Variants in OR2L13 observed in about 807,000 individuals in gnomAD.
OR2L13 encodes olfactory receptor 2L13.
A neutral mutation model predicts 15.3 loss-of-function variants in OR2L13; 14 were observed. The ratio of observed to expected loss-of-function variants is 0.91; its 90% CI spans 0.60 to 1.43. The LOEUF (loss-of-function observed/expected upper bound fraction) is 1.43, where lower values mean the gene tolerates loss of function less well. OR2L13 is among the 40% of genes most tolerant of loss of function. The pLI, the probability that OR2L13 is intolerant of heterozygous loss-of-function variation, is 0.00. For synonymous variants in OR2L13, 152 were observed against 142.9 expected (o/e 1.06, Z -0.45); for missense variants, 367 against 387.9 (o/e 0.95, Z 0.45).
the OR2L13 span, among the ~76,000 whole-genome samples, chr1:248,005,770 G>A: frequency 6.6e-6 from 1 of 152,076 alleles, no homozygotes; most frequent in Non-Finnish European, 1.5e-5. Context: ...TAACAGTAAA[G>A]TATTACGGTA....
the OR2L13 span, chr1:248,022,668 A>C: frequency 6.2e-7 from 1 of 1,614,116 alleles, no homozygotes; most frequent in Non-Finnish European, 8.5e-7. Context: ...TTCGACCTGC[A>C]GCACCCACCT....
the OR2L13 span, chr1:247,990,698 T>A: frequency 1.3e-6 from 2 of 1,539,338 alleles, no homozygotes; most frequent in African/African-American, 2.7e-5. Context: ...GCACTGATGA[T>A]AACAGGATCT....
chr1:248,011,831 C>T, the OR2L13 span, among the ~76,000 whole-genome samples: 1 of 152,174 alleles, frequency 6.6e-6, no homozygotes, highest in Non-Finnish European at 1.5e-5. Flanking sequence ...ATCAATCCTC[C>T]TGCCCTCAGT....
chr1:247,996,625 A>G, the OR2L13 span, among the ~76,000 whole-genome samples: 38 of 152,230 alleles, frequency 2.5e-4, no homozygotes, highest in African/African-American at 8.9e-4. Flanking sequence ...TATCCCCCAT[A>G]TTTGCATACA....
the OR2L13 span, among the ~76,000 whole-genome samples, chr1:247,998,097 T>G: frequency 2.0e-5 from 3 of 152,124 alleles, no homozygotes; most frequent in Admixed American, 6.5e-5. Context: ...TACTTATAAT[T>G]GTATTTTAAA....
chr1:248,088,915 G>A, the OR2L13 span, among the ~76,000 whole-genome samples: 1 of 152,084 alleles, frequency 6.6e-6, no homozygotes, highest in Non-Finnish European at 1.5e-5. Flanking sequence ...AATTCACAGT[G>A]TCTTTTCCAA....
At chr1:248,099,331 C>A in intron 2 of OR2L13, 27 bp from the exon 3 acceptor site, 1 of 1,291,536 alleles carries the variant, frequency 7.7e-7, no homozygotes, top group Non-Finnish European at 1.1e-6. Flanking sequence ...TTGTGCTTTG[C>A]TTTTGTTTCT....
the OR2L13 span, among the ~76,000 whole-genome samples, chr1:248,084,826 T>C: frequency 6.6e-6 from 1 of 152,172 alleles, no homozygotes; most frequent in African/African-American, 2.4e-5. Flanking sequence ...CATTCAGATG[T>C]GAGCAGCCAC....
At chr1:247,939,863 G>T in the OR2L13 span, among the ~76,000 whole-genome samples, 1 of 152,086 alleles carries the variant, frequency 6.6e-6, no homozygotes, top group Non-Finnish European at 1.5e-5. Flanking sequence ...ACTCTAGAAA[G>T]ACAAAGATAA....
chr1:247,967,436 T>C, the OR2L13 span, among the ~76,000 whole-genome samples: 96 of 152,208 alleles, frequency 6.3e-4, no homozygotes, highest in Non-Finnish European at 1.1e-3. Context: ...ACCATGTTGC[T>C]CAGGCTGGTT....
At chr1:248,011,764 T>A in the OR2L13 span, among the ~76,000 whole-genome samples, 2 of 152,186 alleles carry the variant, frequency 1.3e-5, no homozygotes, top group Non-Finnish European at 2.9e-5. Context: ...TTCTGCTGTT[T>A]TGGCATTTTG....
the OR2L13 span, chr1:247,990,799 T>C: frequency 6.2e-7 from 1 of 1,603,242 alleles, no homozygotes; most frequent in Non-Finnish European, 8.5e-7. Flanking sequence ...TCATTTTTTC[T>C]GTGATGTTCC....
upstream of OR2L13, among the ~76,000 whole-genome samples, chr1:248,095,623 T>TTTTTTTTTC (rs1037934922): frequency 7.7e-6 from 1 of 130,468 alleles, no homozygotes; most frequent in African/African-American, 2.8e-5. Context: ...TTTTTTTTTT[T>TTTTTTTTTC]TGAGATGGAG....
the OR2L13 span, among the ~76,000 whole-genome samples, chr1:247,988,346 GT>G: frequency 1.3e-5 from 2 of 151,346 alleles, no homozygotes; most frequent in African/African-American, 4.9e-5. Context: ...ATCAATTATT[GT>G]ATTTTTAATT....
chr1:248,034,950 C>T, the OR2L13 span, among the ~76,000 whole-genome samples: 28 of 151,872 alleles, frequency 1.8e-4, no homozygotes, highest in Non-Finnish European at 2.5e-4. Context: ...GTTTTCTTTG[C>T]GTGGAGTCCT....
chr1:247,953,920 G>A, the OR2L13 span, among the ~76,000 whole-genome samples: 2 of 123,588 alleles, frequency 1.6e-5, no homozygotes, highest in South Asian at 6.6e-4. Context: ...TTATGGTTTC[G>A]AGCCAGTGTC....
chr1:248,018,208 T>G, the OR2L13 span, among the ~76,000 whole-genome samples: 1 of 152,162 alleles, frequency 6.6e-6, no homozygotes, highest in Non-Finnish European at 1.5e-5. Flanking sequence ...AGGTACTCAG[T>G]TGCAACATGA....
chr1:248,034,280 T>A, the OR2L13 span, among the ~76,000 whole-genome samples: 1 of 152,082 alleles, frequency 6.6e-6, no homozygotes, highest in East Asian at 1.9e-4. Flanking sequence ...AATACCACCA[T>A]CATTCTTCAC....
chr1:247,966,493 G>C, the OR2L13 span: 4 of 690,952 alleles, frequency 5.8e-6, no homozygotes, highest in South Asian at 9.2e-5. Flanking sequence ...GTGTTCCCCT[G>C]GCATTTTAAT....
Sources: allele counts gnomAD v4.1 joint callset (sites outside exome capture counted in the v4.1 genomes callset), GRCh38; gene constraint gnomAD v4.1.1; transcripts MANE v1.5; gene names NCBI Gene and HGNC (gene_info 2026-07-23, HGNC 2026-07-21).